Variants in VWF observed in about 807,000 individuals in gnomAD.
VWF encodes von Willebrand factor.
Under a neutral mutation model 308.6 loss-of-function variants are expected in VWF, and 176 were observed. The ratio of observed to expected loss-of-function variants is 0.57; its 90% CI spans 0.50 to 0.65. The LOEUF is 0.65. VWF is among the 30% of genes least tolerant of loss of function. The probability of loss-of-function intolerance (pLI) is 0.00; values close to 1 mark genes in which losing one functional copy is unlikely to be tolerated. For missense variants in VWF, 3,146 were observed against 3,648.2 expected, an observed-to-expected ratio of 0.86 and a Z score of 3.55; for synonymous variants, 1,385 against 1,443.4, an observed-to-expected ratio of 0.96 and a Z score of 0.92.
chr12:6,055,917 C>A (rs1319757475), intron 15 of VWF, among the ~76,000 whole-genome samples: 3 of 151,630 alleles, frequency 2.0e-5, no homozygotes, highest in Non-Finnish European at 4.4e-5. Context: ...TGGGACTACA[C>A]CTACATTTTA....
At chr12:6,038,652 T>C (rs1944364210) in intron 18 of VWF, among the ~76,000 whole-genome samples, 1 of 152,204 alleles carries the variant, frequency 6.6e-6, no homozygotes, top group South Asian at 2.1e-4. Context: ...TCCTCCTCCT[T>C]CTGAGCACCC....
chr12:6,092,525 G>GTGTC (rs1223969641), intron 6 of VWF, among the ~76,000 whole-genome samples: 1 of 151,668 alleles, frequency 6.6e-6, no homozygotes, highest in Non-Finnish European at 1.5e-5. Flanking sequence ...TTGTCTGTGT[G>GTGTC]TGTGTGTGTG....
intron 5 of VWF, among the ~76,000 whole-genome samples, chr12:6,106,251 C>A (rs575210644): frequency 6.6e-6 from 1 of 152,144 alleles, no homozygotes; most frequent in African/African-American, 2.4e-5. Flanking sequence ...GAATATTATT[C>A]ATCCTTAAAA....
chr12:6,028,047 C>T (rs1944215625), intron 22 of VWF, among the ~76,000 whole-genome samples: 1 of 152,158 alleles, frequency 6.6e-6, no homozygotes, highest in African/African-American at 2.4e-5. Flanking sequence ...AGTGCTGCCT[C>T]ACTGGCTTGT....
At chr12:6,096,614 A>G (rs912362931) in intron 5 of VWF, among the ~76,000 whole-genome samples, 2 of 152,242 alleles carry the variant, frequency 1.3e-5, no homozygotes, top group African/African-American at 4.8e-5. Flanking sequence ...AGGTAAGAAT[A>G]TGACATGGAA....
chr12:6,078,568 G>A (rs1944870679), intron 6 of VWF, among the ~76,000 whole-genome samples: 2 of 152,320 alleles, frequency 1.3e-5, no homozygotes, highest in Middle Eastern at 3.4e-3. Context: ...TGAAACTAGA[G>A]AAAACCTCAA....
At chr12:6,123,049 G>A in intron 2 of VWF, 93 bp downstream of exon 2, 2 of 1,519,096 alleles carry the variant, frequency 1.3e-6, no homozygotes, top group Non-Finnish European at 1.8e-6. Flanking sequence ...GGGCACACAG[G>A]TGAGCTCCAG....
At chr12:6,026,107 G>A in intron 22 of VWF, 61 bp from the exon 23 acceptor site, 9 of 1,611,374 alleles carry the variant, frequency 5.6e-6, no homozygotes, top group South Asian at 2.2e-5. Context: ...TCCGGCTCAG[G>A]GGAAAGGGGA....
intron 31 of VWF, among the ~76,000 whole-genome samples, chr12:6,014,189 C>T (rs574161119): frequency 2.0e-5 from 3 of 151,906 alleles, no homozygotes; most frequent in Admixed American, 1.3e-4. Context: ...TGCATGCTCC[C>T]GGGGGCTGGG....
chr12:6,095,223 T>G (rs1430013235), intron 6 of VWF: 1 of 584,440 alleles, frequency 1.7e-6, no homozygotes, highest in Non-Finnish European at 3.1e-6. Flanking sequence ...CAGGCATTTG[T>G]TATAGCAGCA....
At chr12:6,067,670 G>A (rs1944732208) in intron 10 of VWF, among the ~76,000 whole-genome samples, 1 of 152,060 alleles carries the variant, frequency 6.6e-6, no homozygotes, top group Non-Finnish European at 1.5e-5. Flanking sequence ...TGGGCCATGC[G>A]AACACGCTCA....
chr12:6,108,234 T>A (rs546917067), intron 5 of VWF, among the ~76,000 whole-genome samples: 1 of 149,442 alleles, frequency 6.7e-6, no homozygotes, highest in Admixed American at 6.7e-5. Context: ...GTGGAGGCTG[T>A]AGTGAGCTGA....
intron 42 of VWF, among the ~76,000 whole-genome samples, chr12:5,980,072 A>G (rs186795687): frequency 9.3e-4 from 131 of 140,554 alleles, no homozygotes; most frequent in African/African-American, 3.4e-3. Context: ...ATGAAAAGAA[A>G]GAAAGAAAGA....
intron 16 of VWF, among the ~76,000 whole-genome samples, chr12:6,047,216 C>G (rs574379884): frequency 6.6e-6 from 1 of 152,312 alleles, no homozygotes; most frequent in South Asian, 2.1e-4. Flanking sequence ...TTCTCACACT[C>G]TGCTGCCATC....
chr12:6,107,875 G>GTCTCCA (rs1945260703), intron 5 of VWF, among the ~76,000 whole-genome samples: 1 of 152,074 alleles, frequency 6.6e-6, no homozygotes, highest in South Asian at 2.1e-4. Flanking sequence ...AGCCAGGATA[G>GTCTCCA]TCTCCATCTC....
rs1943717182 is a variant in VWF, at chr12:5,989,713, T to A, written c.6798+2106A>T. ...AGAAAGGAGAAGCAAAGGATAGGGG[T>A]TTGGAGACACTAAGATAAAGTTCAC... On this transcript the variant is annotated intron_variant, in intron 38 of 51. Transcript: ENST00000261405. Among the ~76,000 whole-genome samples the A allele has an allele frequency of 2.0e-5, 3 of 152,024 alleles. No homozygotes were observed. The South Asian group carries it at 6.2e-4, about 32-fold the overall frequency.
In VWF at chr12:6,025,670, G is replaced by A; in HGVS notation, c.3132C>T (p.Ala1044=). The change falls in exon 24 of 52, where the codon GCC becomes GCT. Residue 1044 remains alanine (A), a synonymous_variant. Transcript: ENST00000261405. ...TRKVPLDSSP[A]TCHNNIMKQT... is the part of the protein sequence containing the mutation. The stretch of plus-strand genomic sequence containing the variant: ...GCTTCATGATGTTGTTATGGCAGGT[G>A]GCAGGGGATGAGTCCAGAGGCACCT... 2 of 1,553,178 alleles carry A rather than the reference G, an allele frequency of 1.3e-6. No homozygotes were observed. The highest frequency in any genetic ancestry group is 1.8e-6 in the Non-Finnish European group (2 of 1,129,122).
chr12:6,078,086 T>C (rs566486652), intron 6 of VWF, among the ~76,000 whole-genome samples: 8 of 152,176 alleles, frequency 5.3e-5, no homozygotes, highest in Admixed American at 4.6e-4. Flanking sequence ...TCCAGAGAGA[T>C]CCCTCCGGCC....
intron 34 of VWF, among the ~76,000 whole-genome samples, chr12:6,000,047 C>T (rs1261298325): frequency 6.6e-6 from 1 of 151,104 alleles, no homozygotes; most frequent in Non-Finnish European, 1.5e-5. Context: ...AAATGTAAGA[C>T]AGGAGAAAAA....
Sources: gnomAD v4.1 joint callset for allele counts (sites outside exome capture counted in the v4.1 genomes callset) on GRCh38, gnomAD v4.1.1 for gene constraint, MANE v1.5 for transcripts, NCBI Gene and HGNC (gene_info 2026-07-23, HGNC 2026-07-21) for gene names.